Variants in PRDM5 observed in about 807,000 individuals in gnomAD.
PRDM5 encodes the protein PR domain zinc finger protein 5.
In PRDM5, 56 loss-of-function variants were observed where a neutral mutation model predicts 81.2. The observed-to-expected ratio is 0.69, with a 90% CI of 0.56 to 0.86. The LOEUF (loss-of-function observed/expected upper bound fraction) is 0.86. Among genes scored for constraint, PRDM5 ranks in the 40% least tolerant of loss-of-function variants. PRDM5 has a pLI of 0.00. For synonymous variants in PRDM5, 267 were observed against 256.4 expected, an observed-to-expected ratio of 1.04 and a Z score of -0.39; for missense variants, 697 against 770.1, an observed-to-expected ratio of 0.91 and a Z score of 1.12.
At chr4:120,821,486 G>A in intron 3 of PRDM5, 141 bp from the exon 4 acceptor site, 1 of 769,034 alleles carries the variant, frequency 1.3e-6, no homozygotes, top group Non-Finnish European at 2.0e-6. Flanking sequence ...TCTGGGTGCT[G>A]AAAAAGGCAG....
At chr4:120,699,944 A>AAAATAAATAAATAAATAAATAAATAAAT (rs5861483) in intron 15 of PRDM5, among the ~76,000 whole-genome samples, 16 of 148,600 alleles carry the variant, frequency 1.1e-4, no homozygotes, top group African/African-American at 1.5e-4. Context: ...ATATAGAACC[A>AAAATAAATAAATAAATAAATAAATAAAT]AAATAAATAA....
At chr4:120,874,358 G>T (rs1307262065) in intron 2 of PRDM5, among the ~76,000 whole-genome samples, 1 of 152,092 alleles carries the variant, frequency 6.6e-6, no homozygotes, top group Non-Finnish European at 1.5e-5. Flanking sequence ...ATGCAAAGTG[G>T]GAGTAGAAAG....
chr4:120,685,830 G>T (rs1230538139), intron 1 of PRDM5, among the ~76,000 whole-genome samples: 1 of 151,676 alleles, frequency 6.6e-6, no homozygotes, highest in Non-Finnish European at 1.5e-5. Flanking sequence ...TTTTCTTTTT[G>T]TCCTTTATTC....
At chr4:120,746,018 C>G (rs1272856096) in intron 14 of PRDM5, among the ~76,000 whole-genome samples, 1 of 148,296 alleles carries the variant, frequency 6.7e-6, no homozygotes, top group African/African-American at 2.6e-5. Context: ...CATCACACTA[C>G]CTGACTTCAA....
chr4:120,871,301 CT>C (rs774132089), intron 2 of PRDM5, among the ~76,000 whole-genome samples: 9 of 152,222 alleles, frequency 5.9e-5, no homozygotes, highest in Non-Finnish European at 1.2e-4. Flanking sequence ...TGCTTCTGTT[CT>C]TCCTCAGGTT....
intron 15 of PRDM5, among the ~76,000 whole-genome samples, chr4:120,699,155 AATATAAATATATATATATATATATATAT>A (rs1286558965): frequency 1.6e-4 from 14 of 89,574 alleles, no homozygotes; most frequent in African/African-American, 3.6e-4. Flanking sequence ...AATTATAGGA[AATATAAATATATATATATATATATATAT>A]ATATATATAT....
intron 3 of PRDM5, chr4:120,837,992 T>A (rs977679640): frequency 6.6e-6 from 1 of 152,220 alleles, no homozygotes; most frequent in Admixed American, 6.5e-5. Context: ...TACGAACTCA[T>A]AGACACACTA....
chr4:120,904,195 AAAAAAAAAAAC>A (rs1329242986), intron 2 of PRDM5, among the ~76,000 whole-genome samples: 6 of 144,408 alleles, frequency 4.2e-5, no homozygotes, highest in African/African-American at 1.6e-4. Flanking sequence ...TTCTCAAAAA[AAAAAAAAAAAC>A]AAAAAAACCT....
At chr4:120,697,890 A>G (rs2148990507) in intron 15 of PRDM5, among the ~76,000 whole-genome samples, 1 of 151,932 alleles carries the variant, frequency 6.6e-6, no homozygotes, top group South Asian at 2.1e-4. Flanking sequence ...AATAAGATCA[A>G]GGCAACTTAG....
At position 120,745,267 on chromosome 4, in the gene PRDM5, TG is replaced by T. The variant is rs1388795101; in HGVS notation, c.1623+9285del. On this transcript the variant is annotated intron_variant, in intron 14 of 15. Coordinates refer to ENST00000264808, the MANE Select transcript of PRDM5 (RefSeq NM_018699.4). ...TAAAAACTCTCAATAAATTAGGTATTGATGGGACATATTTCAAAATAATAAG... is the reference window on the plus strand; with the variant it reads ...TAAAAACTCTCAATAAATTAGGTATTATGGGACATATTTCAAAATAATAAG... Among the ~76,000 whole-genome samples the T allele has an allele frequency of 1.6e-4, 20 of 128,618 alleles. 1 individual carries two copies. The East Asian group carries it at 4.7e-3, about 30-fold the overall frequency. 84.4% of individuals were successfully genotyped at this position (128,618 alleles called of 152,430 possible). A position where few individuals can be genotyped will look rare whatever the true frequency, so the allele number is the denominator to read the frequency against.
At chr4:120,798,131 C>T (rs146775024) in intron 10 of PRDM5, 136 bp downstream of exon 10, 25 of 578,770 alleles carry the variant, frequency 4.3e-5, no homozygotes, top group Non-Finnish European at 5.6e-5. Context: ...GGGGTTATGG[C>T]CCAGGTGAGT....
intron 1 of PRDM5, among the ~76,000 whole-genome samples, chr4:120,910,305 A>G (rs1766364101): frequency 6.6e-6 from 1 of 152,204 alleles, no homozygotes; most frequent in African/African-American, 2.4e-5. Flanking sequence ...CCAACTCTCA[A>G]TTATCCATAC....
intron 1 of PRDM5, among the ~76,000 whole-genome samples, chr4:120,915,272 G>A (rs932192184): frequency 5.3e-5 from 8 of 152,040 alleles, no homozygotes; most frequent in Non-Finnish European, 7.4e-5. Flanking sequence ...GCTTACCTGT[G>A]GCCAGTGCCC....
chr4:120,790,322 G>T (rs961088547), intron 10 of PRDM5, among the ~76,000 whole-genome samples: 9 of 152,158 alleles, frequency 5.9e-5, no homozygotes, highest in African/African-American at 2.2e-4. Context: ...CAACCATGTG[G>T]CTTCACAGAA....
intron 14 of PRDM5, among the ~76,000 whole-genome samples, chr4:120,712,430 G>A (rs939543955): frequency 1.3e-5 from 2 of 152,186 alleles, no homozygotes; most frequent in Admixed American, 1.3e-4. Flanking sequence ...AATAACCAGA[G>A]AGACATACAT....
chr4:120,894,885 G>C (rs1483491178), intron 2 of PRDM5, among the ~76,000 whole-genome samples: 2 of 152,058 alleles, frequency 1.3e-5, no homozygotes, highest in Non-Finnish European at 2.9e-5. Context: ...ACAAGAAGAA[G>C]CCATGTCACC....
At chr4:120,755,665 A>G (rs1744628647) in intron 13 of PRDM5, among the ~76,000 whole-genome samples, 1 of 152,128 alleles carries the variant, frequency 6.6e-6, no homozygotes, top group South Asian at 2.1e-4. Flanking sequence ...TGCTTGATCC[A>G]GTGACTACTT....
intron 2 of PRDM5, among the ~76,000 whole-genome samples, chr4:120,869,482 C>A (rs1044513151): frequency 6.6e-6 from 1 of 152,156 alleles, no homozygotes; most frequent in Admixed American, 6.5e-5. Flanking sequence ...CAATTGGTTG[C>A]TAAACAGACC....
At chr4:120,870,482 G>T (rs1449452653) in intron 2 of PRDM5, among the ~76,000 whole-genome samples, 1 of 152,038 alleles carries the variant, frequency 6.6e-6, no homozygotes, top group Non-Finnish European at 1.5e-5. Flanking sequence ...CACCTAGTGG[G>T]GGGTGGGGGA....
Sources: allele counts gnomAD v4.1 joint callset (sites outside exome capture counted in the v4.1 genomes callset), GRCh38; gene constraint gnomAD v4.1.1; transcripts MANE v1.5; gene names NCBI Gene and HGNC (gene_info 2026-07-23, HGNC 2026-07-21).